The following COL4A1 variants were observed in gnomAD, a reference collection of about 807,000 sequenced individuals.
COL4A1 encodes the protein collagen type IV alpha 1 chain, also known as collagen alpha-1(IV) chain.
COL4A1 carries 40 observed loss-of-function variants against 216.6 expected under a neutral mutation model. The ratio of observed to expected loss-of-function variants is 0.18; its 90% CI spans 0.14 to 0.24. The LOEUF (loss-of-function observed/expected upper bound fraction) is 0.24, where lower values mean the gene tolerates loss of function less well. COL4A1 is among the 10% of genes least tolerant of loss of function. The pLI, the probability that COL4A1 is intolerant of heterozygous loss-of-function variation, is 1.00. For missense variants in COL4A1, 1,628 were observed against 2,196.8 expected (o/e 0.74, Z 5.18); for synonymous variants, 839 against 810.7 (o/e 1.03, Z -0.59).
chr13:110,286,933 T>G (rs367977010), intron 1 of COL4A1, among the ~76,000 whole-genome samples: 2 of 152,250 alleles, frequency 1.3e-5, no homozygotes, highest in African/African-American at 4.8e-5. Flanking sequence ...TTCTGCTACA[T>G]TAGTTCAAAG....
rs9588118 is a variant in COL4A1 at position 110,210,436 on chromosome 13, G to A, written c.469-224C>T. 2.6e-3 allele frequency among the ~76,000 whole-genome samples: 402 copies of A among 152,140 alleles called. 2 individuals carry two copies. Among genetic ancestry groups the A allele is most frequent in the African/African-American group, 8.3e-3 (346 of 41,488 alleles). On this transcript the variant is annotated intron_variant, in intron 8 of 51. Coordinates refer to ENST00000375820, the MANE Select transcript of COL4A1 (RefSeq NM_001845.6). ...CTGCCTGGTCAACTGAGCCGCAGCC[G>A]GGACTGAATGTAGAGACGGCAAAGC...
chr13:110,208,645 T>C (rs947134767), intron 12 of COL4A1, among the ~76,000 whole-genome samples: 1 of 152,208 alleles, frequency 6.6e-6, no homozygotes, highest in Non-Finnish European at 1.5e-5. Flanking sequence ...ACAGAGCACT[T>C]CCATAAATTC....
rs529884336 is a variant in COL4A1 at position 110,217,450 on chromosome 13, G to A, written c.145-3435C>T. On this transcript the variant is annotated intron_variant, in intron 2 of 51. Transcript: ENST00000375820. ...AGAGTCAGGGAGCAACAGGACCCTC[G>A]ATCATCTGTTTCCCATGGTGTGCTC... 2.6e-5 allele frequency among the ~76,000 whole-genome samples: 4 copies of A among 152,252 alleles called. No homozygotes were observed. The South Asian group carries it at 8.3e-4, about 32-fold the overall frequency.
At chr13:110,218,447 G>A (rs1156818031) in intron 2 of COL4A1, among the ~76,000 whole-genome samples, 1 of 152,118 alleles carries the variant, frequency 6.6e-6, no homozygotes, top group African/African-American at 2.4e-5. Context: ...GCATCCAAGG[G>A]AAACAAGCAA....
intron 1 of COL4A1, among the ~76,000 whole-genome samples, chr13:110,298,254 C>G (rs1884354210): frequency 1.3e-5 from 2 of 152,190 alleles, no homozygotes; most frequent in Admixed American, 6.5e-5. Flanking sequence ...GCTATTTAGT[C>G]AGACTAGACA....
chr13:110,208,737 A>C, intron 12 of COL4A1, 112 bp downstream of exon 12: 6 of 989,200 alleles, frequency 6.1e-6, no homozygotes, highest in Non-Finnish European at 8.1e-6. Flanking sequence ...AAGAACATGC[A>C]GAGAAGAGTA....
intron 1 of COL4A1, among the ~76,000 whole-genome samples, chr13:110,252,852 T>C (rs1484382817): frequency 8.0e-6 from 1 of 125,136 alleles, no homozygotes; most frequent in Non-Finnish European, 1.6e-5. Flanking sequence ...TAACTATAAG[T>C]ACGTATGTAT....
At chr13:110,287,314 GC>G (rs1209674130) in intron 1 of COL4A1, among the ~76,000 whole-genome samples, 1 of 152,172 alleles carries the variant, frequency 6.6e-6, no homozygotes. Flanking sequence ...CCACCCTAAA[GC>G]CCGAGGCCAG....
intron 2 of COL4A1, among the ~76,000 whole-genome samples, chr13:110,222,255 C>T (rs576068783): frequency 6.6e-6 from 1 of 152,156 alleles, no homozygotes; most frequent in East Asian, 1.9e-4. Context: ...CCAAGCACCC[C>T]CTTGTTGAAG....
At chr13:110,174,414 G>C in intron 39 of COL4A1, 32 bp downstream of exon 39, 2 of 1,611,102 alleles carry the variant, frequency 1.2e-6, no homozygotes, top group South Asian at 2.2e-5. Context: ...TTCTCTATGT[G>C]CCCGGGCTGT....
At chr13:110,256,959 A>T (rs1020739074) in intron 1 of COL4A1, among the ~76,000 whole-genome samples, 5 of 151,878 alleles carry the variant, frequency 3.3e-5, no homozygotes, top group African/African-American at 9.7e-5. Flanking sequence ...ACATGTCTTT[A>T]AAAAAATCTT....
In COL4A1 at chr13:110,207,721, TA is replaced by T. The variant is rs1879580758; in HGVS notation, c.694-233del. Among the ~76,000 whole-genome samples, 1 of 152,166 alleles carries T rather than the reference TA, an allele frequency of 6.6e-6. No individual in the cohort carries two copies. The highest frequency in any genetic ancestry group is 1.5e-5 in the Non-Finnish European group (1 of 68,030). Reference sequence around the variant, plus strand: ...TTTCACTTCTTCTATGGGTGGCCACTAGCTCAGGAATAACCATGGAATCTGA... The same window carrying T: ...TTTCACTTCTTCTATGGGTGGCCACTGCTCAGGAATAACCATGGAATCTGA... On this transcript the variant is annotated intron_variant, in intron 12 of 51. Transcript: ENST00000375820. This position sits in a 1 kb window ranked among gnomAD's most constrained non-coding sequence, Gnocchi z 4.4.
chr13:110,261,002 G>A lies in COL4A1; in HGVS notation c.85-18268C>T, dbSNP rs533248864. Reference sequence around the variant, plus strand: ...CAGTGAGCTGAGATCGCGCCACTGCGCTCCAGCCTGGGTGACAGAGCGAGA... The same window carrying A: ...CAGTGAGCTGAGATCGCGCCACTGCACTCCAGCCTGGGTGACAGAGCGAGA... On this transcript the variant is annotated intron_variant, in intron 1 of 51. Coordinates refer to ENST00000375820, the MANE Select transcript of COL4A1 (RefSeq NM_001845.6). Among the ~76,000 whole-genome samples the A allele has an allele frequency of 3.3e-4, 42 of 128,120 alleles. No individual in the cohort carries two copies. The East Asian group carries it at 3.6e-3, about 11-fold the overall frequency. 84.1% of individuals were successfully genotyped at this position (128,120 alleles called of 152,430 possible).
intron 24 of COL4A1, among the ~76,000 whole-genome samples, chr13:110,188,704 A>G (rs1878503186): frequency 6.6e-6 from 1 of 152,114 alleles, no homozygotes; most frequent in Non-Finnish European, 1.5e-5. Flanking sequence ...ACAGGGGGAG[A>G]GGTGGGGCTT....
intron 1 of COL4A1, among the ~76,000 whole-genome samples, chr13:110,245,983 C>T (rs55684381): frequency 0.02 from 2,973 of 152,148 alleles, 75 homozygotes; most frequent in African/African-American, 0.061. Context: ...CAAAAACATG[C>T]ATGGCTTTAT....
chr13:110,226,065 C>T (rs906570120), intron 2 of COL4A1, among the ~76,000 whole-genome samples: 2 of 152,236 alleles, frequency 1.3e-5, no homozygotes, highest in Non-Finnish European at 1.5e-5. Flanking sequence ...AAGCCAGCTG[C>T]ATTTCCTCTG....
At chr13:110,193,107 T>G (rs1001871750) in intron 22 of COL4A1, among the ~76,000 whole-genome samples, 194 bp from the exon 23 acceptor site, 2 of 152,230 alleles carry the variant, frequency 1.3e-5, no homozygotes, top group African/African-American at 2.4e-5. Context: ...CGTCCCTGTC[T>G]GTCAATGAAC....
rs762974962 is a variant in COL4A1 at position 110,211,860 on chromosome 13, T to C, written c.441+9A>G. On this transcript the variant is annotated intron_variant, in intron 7 of 51. Transcript: ENST00000375820. This position sits in a 1 kb window ranked among gnomAD's most constrained non-coding sequence, Gnocchi z 4.3. Reference sequence around the variant, plus strand: ...GAAAGAAGTTCTGCCCTAAATAACCTCTACTCACGGGATTTCCAGCGAAAC... The same window carrying C: ...GAAAGAAGTTCTGCCCTAAATAACCCCTACTCACGGGATTTCCAGCGAAAC... 4 of 1,613,962 alleles carry C rather than the reference T, an allele frequency of 2.5e-6. No individual in the cohort carries two copies. Among genetic ancestry groups the C allele is most frequent in the Non-Finnish European group, 3.4e-6 (4 of 1,179,948 alleles).
intron 1 of COL4A1, among the ~76,000 whole-genome samples, chr13:110,267,302 T>C (rs1006504493): frequency 2.6e-5 from 4 of 152,104 alleles, no homozygotes; most frequent in Non-Finnish European, 5.9e-5. Context: ...TACGCACACT[T>C]TCAGCACCTC....
Sources: allele counts gnomAD v4.1 joint callset (sites outside exome capture counted in the v4.1 genomes callset), GRCh38; gene constraint gnomAD v4.1.1; non-coding constraint Gnocchi (gnomAD v3.1); transcripts MANE v1.5; gene names NCBI Gene and HGNC (gene_info 2026-07-23, HGNC 2026-07-21).